The following DLGAP5 variants were observed in gnomAD, a reference collection of about 807,000 sequenced individuals.
The protein encoded by DLGAP5 is DLG associated protein 5, also known as disks large-associated protein 5.
A neutral mutation model predicts 99.6 loss-of-function variants in DLGAP5; 90 were observed. The observed-to-expected ratio is 0.90, with a 90% confidence interval of 0.76 to 1.08. The LOEUF is 1.08. Among genes scored for constraint, DLGAP5 ranks in the 50% least tolerant of loss-of-function variants. The pLI is 0.00. For missense variants in DLGAP5, 1,036 were observed against 983.5 expected, an observed-to-expected ratio of 1.05 and a Z score of -0.71; for synonymous variants, 311 against 321.3, an observed-to-expected ratio of 0.97 and a Z score of 0.34.
At chr14:55,152,347 C>T (rs944055909) in intron 16 of DLGAP5, among the ~76,000 whole-genome samples, 6 of 152,118 alleles carry the variant, frequency 3.9e-5, no homozygotes, top group African/African-American at 1.4e-4. Context: ...AAAATAGGGG[C>T]CAAAGTTTGC....
intron 4 of DLGAP5, 108 bp downstream of exon 4, chr14:55,182,262 A>G: frequency 3.3e-6 from 3 of 919,732 alleles, no homozygotes; most frequent in Non-Finnish European, 4.9e-6. Flanking sequence ...TGTTAACTCT[A>G]GTAAATTAAT....
rs112254858 is a variant in DLGAP5, at chr14:55,164,937, A to G, written c.1549-1862T>C. Among the ~76,000 whole-genome samples the G allele has an allele frequency of 3.2e-4, 46 of 141,806 alleles. 4 individuals are homozygous for G. Among genetic ancestry groups the G allele is most frequent in the Non-Finnish European group, 3.0e-4 (20 of 66,290 alleles). 93.0% of individuals were successfully genotyped at this position (141,806 alleles called of 152,430 possible). A position where few individuals can be genotyped will look rare whatever the true frequency, so the allele number is the denominator to read the frequency against. On this transcript the variant is annotated intron_variant, in intron 12 of 18. Coordinates refer to ENST00000247191, the MANE Select transcript of DLGAP5 (RefSeq NM_014750.5). ...ACTCTGTCTCAAAAAAAAAAAAAAA[A>G]GAGAAATTTGATAAATTTAACTTTA...
intron 10 of DLGAP5, among the ~76,000 whole-genome samples, chr14:55,174,727 T>C (rs8018806): frequency 0.031 from 4,703 of 151,866 alleles, 276 homozygotes; most frequent in African/African-American, 0.11. Context: ...AGTCTCACTC[T>C]GTTGCCAGGC....
chr14:55,169,595 C>T, intron 11 of DLGAP5, 36 bp from the exon 12 acceptor site: 1 of 1,495,056 alleles, frequency 6.7e-7, no homozygotes, highest in Non-Finnish European at 8.9e-7. Flanking sequence ...AATTAAAGGA[C>T]AAAACGGGAC....
intron 18 of DLGAP5, among the ~76,000 whole-genome samples, chr14:55,149,103 T>C (rs904598800): frequency 2.0e-5 from 3 of 152,114 alleles, no homozygotes; most frequent in Non-Finnish European, 4.4e-5. Context: ...GTGAAAAAAA[T>C]ATCAGACTAA....
rs1446004516 is a variant in DLGAP5 at position 55,177,297 on chromosome 14, T to C, written c.814A>G (p.Asn272Asp). The change falls in exon 8 of 19, where the codon AAT becomes GAT. Residue 272 changes from asparagine to aspartate, a missense_variant. Transcript: ENST00000247191. ...CCACTTGTTGCATTAGTTTGTGAAT[T>C]CAAAGTATTTTCTTCACTATCGACT... ...CKVDSEENTL[N>D]SQTNATSGMN... 9 of 1,608,044 alleles carry C rather than the reference T, an allele frequency of 5.6e-6. No homozygotes were observed. The highest frequency in any genetic ancestry group is 3.4e-5 in the Admixed American group (2 of 58,474).
intron 10 of DLGAP5, among the ~76,000 whole-genome samples, chr14:55,175,119 T>C (rs577746819): frequency 2.1e-3 from 321 of 152,328 alleles, no homozygotes; most frequent in Non-Finnish European, 3.5e-3. Flanking sequence ...AACTATGTGG[T>C]TGGGTCACAG....
Position 55,175,413 on chromosome 14 carries a change from CT to C in DLGAP5, c.1233del (p.Glu412LysfsTer33). The C allele has an allele frequency of 6.3e-7, 1 of 1,583,134 alleles. No homozygotes were observed. The highest frequency in any genetic ancestry group is 1.1e-5 in the South Asian group (1 of 88,320). On this transcript the variant is annotated frameshift_variant, in exon 10 of 19. Coordinates refer to ENST00000247191, the MANE Select transcript of DLGAP5 (RefSeq NM_014750.5). LOFTEE classifies it high-confidence loss of function. ...TCATTTCTTTCAAGTGATGGGACTTCTTTTATTGGAAGGCCATTTAAATTTT... is the reference window on the plus strand; with the variant it reads ...TCATTTCTTTCAAGTGATGGGACTTCTTTATTGGAAGGCCATTTAAATTTT... ...TTKNLNGLPI[K>X]EVPSLERNEG...
At chr14:55,169,018 T>C (rs76150478) in intron 12 of DLGAP5, among the ~76,000 whole-genome samples, 14,034 of 151,126 alleles carry the variant, frequency 0.093, 1,792 homozygotes, top group African/African-American at 0.28. Flanking sequence ...CTACTAAAAA[T>C]ACAAAAAATT....
intron 2 of DLGAP5, among the ~76,000 whole-genome samples, chr14:55,188,384 G>A (rs1344503959): frequency 6.6e-6 from 1 of 152,098 alleles, no homozygotes; most frequent in Non-Finnish European, 1.5e-5. Context: ...AAACTGCAAG[G>A]ATGAATTCTT....
chr14:55,178,670 T>G (rs1469245121), intron 7 of DLGAP5, among the ~76,000 whole-genome samples: 1 of 152,232 alleles, frequency 6.6e-6, no homozygotes, highest in Non-Finnish European at 1.5e-5. Context: ...AGATTCACTG[T>G]GTGTTTCCTT....
chr14:55,186,852 A>G (rs1883451542), intron 2 of DLGAP5, among the ~76,000 whole-genome samples: 1 of 152,202 alleles, frequency 6.6e-6, no homozygotes, highest in Non-Finnish European at 1.5e-5. Flanking sequence ...CTAGGATAGC[A>G]CGTTCTTCTG....
chr14:55,162,087 T>C (rs1882465044), intron 13 of DLGAP5, among the ~76,000 whole-genome samples: 1 of 151,932 alleles, frequency 6.6e-6, no homozygotes, highest in South Asian at 2.1e-4. Context: ...GTTTGAAAAG[T>C]GTCCACCCAA....
chr14:55,183,587 C>G lies in DLGAP5; in HGVS notation c.405G>C (p.Gln135His), dbSNP rs763151237. 68 of 1,573,350 alleles carry G rather than the reference C, an allele frequency of 4.3e-5. 1 individual carries two copies. The South Asian group carries it at 6.4e-4, about 15-fold the overall frequency. ...PDMPCFLLSN[Q>H]NAVKAEPKKA... Reference sequence around the variant, plus strand: ...TTTTTGGCTCAGCTTTCACAGCATTCTGGTTTGATAAAAGAAAACAAGGCA... The same window carrying G: ...TTTTTGGCTCAGCTTTCACAGCATTGTGGTTTGATAAAAGAAAACAAGGCA... Residue 135 changes from glutamine to histidine, a missense_variant, in exon 3 of 19, where the codon CAG becomes CAC. By Grantham distance (24) the Gln-to-His change is conservative. Coordinates refer to ENST00000247191, the MANE Select transcript of DLGAP5 (RefSeq NM_014750.5).
intron 13 of DLGAP5, 35 bp downstream of exon 13, chr14:55,162,932 TAAAA>T: frequency 1.0e-6 from 1 of 961,348 alleles, no homozygotes; most frequent in Non-Finnish European, 1.5e-6. Flanking sequence ...GTTCCTTAAC[TAAAA>T]AAAAAAAAAT....
At chr14:55,181,767 C>A (rs1017061701) in intron 4 of DLGAP5, among the ~76,000 whole-genome samples, 1 of 152,166 alleles carries the variant, frequency 6.6e-6, no homozygotes, top group Admixed American at 6.5e-5. Flanking sequence ...TTCTAGTACA[C>A]CCCATCTCCC....
chr14:55,174,652 C>T (rs991014711), intron 10 of DLGAP5, among the ~76,000 whole-genome samples: 17 of 152,008 alleles, frequency 1.1e-4, no homozygotes, highest in Admixed American at 7.2e-4. Flanking sequence ...AAAGAACCTA[C>T]GTGAATATCA....
chr14:55,177,055 T>G lies in DLGAP5; in HGVS notation c.1049+7A>C, dbSNP rs72718819. 12,787 of 1,424,476 alleles carry G rather than the reference T, an allele frequency of 9.0e-3. 109 individuals carry two copies. The highest frequency in any genetic ancestry group is 0.023 in the Middle Eastern group (124 of 5,328). The allele number at this position is 1,424,476 out of a possible 1,614,324, so 88.2% of individuals were successfully genotyped here. A position where few individuals can be genotyped will look rare whatever the true frequency, so the allele number is the denominator to read the frequency against. ...CAAGAGACTTATTATTAAGATCATA[T>G]TCTTACACTTCTGTTTTTAAAGGAG... On this transcript the variant is annotated splice_region_variant and intron_variant, in intron 8 of 18. Transcript: ENST00000247191.
At chr14:55,154,933 T>A in intron 14 of DLGAP5, 127 bp from the exon 15 acceptor site, 1 of 769,078 alleles carries the variant, frequency 1.3e-6, no homozygotes, top group Non-Finnish European at 2.1e-6. Context: ...TAAAGACAAA[T>A]GCCTGGGACT....
Sources: gnomAD v4.1 joint callset for allele counts (sites outside exome capture counted in the v4.1 genomes callset) on GRCh38, gnomAD v4.1.1 for gene constraint, MANE v1.5 for transcripts, NCBI Gene and HGNC (gene_info 2026-07-23, HGNC 2026-07-21) for gene names.